The following WDPCP variants were observed in gnomAD, a reference collection of about 807,000 sequenced individuals.
The protein encoded by WDPCP is WD repeat containing planar cell polarity effector, also known as WD repeat-containing and planar cell polarity effector protein fritz homolog.
Under a neutral mutation model 93.1 loss-of-function variants are expected in WDPCP, and 71 were observed. That is an observed-to-expected ratio of 0.76 (90% confidence interval 0.63 to 0.93). The LOEUF (loss-of-function observed/expected upper bound fraction) is 0.93, where lower values mean the gene tolerates loss of function less well. Ranked by LOEUF, WDPCP falls within the 40% of genes least tolerant of loss-of-function variation. The probability of loss-of-function intolerance (pLI) is 0.00; values close to 1 mark genes in which losing one functional copy is unlikely to be tolerated. For synonymous variants in WDPCP, 315 were observed against 315.0 expected (o/e 1.00, Z 0.00); for missense variants, 844 against 887.4 (o/e 0.95, Z 0.62).
At chr2:63,323,793 C>T (rs542351586) in intron 12 of WDPCP, among the ~76,000 whole-genome samples, 2 of 152,296 alleles carry the variant, frequency 1.3e-5, no homozygotes, top group African/African-American at 4.8e-5. Context: ...GTAAGGGCCA[C>T]TAAATCCGAC....
intron 2 of WDPCP, among the ~76,000 whole-genome samples, chr2:63,671,495 A>C (rs1214725057): frequency 6.6e-6 from 1 of 151,890 alleles, no homozygotes; most frequent in Admixed American, 6.6e-5. Context: ...ATGCTCACCC[A>C]GCCTTGTCTG....
chr2:63,127,743 A>G (rs1230253658), intron 17 of WDPCP, among the ~76,000 whole-genome samples: 3 of 150,410 alleles, frequency 2.0e-5, no homozygotes, highest in Admixed American at 1.3e-4. Flanking sequence ...TTCTATATGT[A>G]TTACTCCCCT....
intron 6 of WDPCP, among the ~76,000 whole-genome samples, chr2:63,468,023 G>C (rs1346615773): frequency 6.6e-6 from 1 of 152,142 alleles, no homozygotes; most frequent in Admixed American, 6.6e-5. Flanking sequence ...CTTTCCCTGG[G>C]TGGCTACCAG....
chr2:63,508,612 A>T (rs1702034428), intron 1 of WDPCP, among the ~76,000 whole-genome samples: 3 of 152,176 alleles, frequency 2.0e-5, no homozygotes, highest in Non-Finnish European at 4.4e-5. Context: ...AAACTGGCCA[A>T]ATGCTCCAAT....
intron 2 of WDPCP, among the ~76,000 whole-genome samples, chr2:63,749,799 TTTG>T (rs1669853082): frequency 6.6e-6 from 1 of 152,154 alleles, no homozygotes; most frequent in South Asian, 2.1e-4. Context: ...TCTAGAATTT[TTTG>T]TTGTTTTCTT....
At chr2:63,830,190 T>C (rs964597058), upstream of WDPCP, among the ~76,000 whole-genome samples, 6 of 152,128 alleles carry the variant, frequency 3.9e-5, no homozygotes, top group African/African-American at 1.2e-4. Context: ...TTCTCTGAAA[T>C]TTTCCAGCTT....
chr2:63,336,275 T>A (rs946828234), intron 12 of WDPCP, among the ~76,000 whole-genome samples: 5 of 152,178 alleles, frequency 3.3e-5, no homozygotes, highest in African/African-American at 1.2e-4. Context: ...GTGGACTCTC[T>A]GGAATTTTCA....
At chr2:63,145,840 C>T (rs1671459029) in intron 17 of WDPCP, among the ~76,000 whole-genome samples, 1 of 152,182 alleles carries the variant, frequency 6.6e-6, no homozygotes, top group African/African-American at 2.4e-5. Flanking sequence ...TGTTCATGAG[C>T]ATGGAATGTT....
At chr2:63,197,390 AG>A (rs1372502376) in intron 14 of WDPCP, among the ~76,000 whole-genome samples, 3 of 152,330 alleles carry the variant, frequency 2.0e-5, no homozygotes, top group African/African-American at 7.2e-5. Flanking sequence ...GGCTACTAGT[AG>A]TTAAGCTTTG....
chr2:63,391,859 G>C (rs558192594), intron 10 of WDPCP, among the ~76,000 whole-genome samples: 18 of 152,090 alleles, frequency 1.2e-4, no homozygotes, highest in African/African-American at 2.9e-4. Context: ...AGGAGAACTA[G>C]AAACCACTGC....
chr2:63,165,097 T>G (rs1368143194), intron 15 of WDPCP, among the ~76,000 whole-genome samples: 1 of 152,176 alleles, frequency 6.6e-6, no homozygotes, highest in Admixed American at 6.5e-5. Context: ...GGAATGAATT[T>G]AAAAAGAATC....
At chr2:63,285,966 A>G (rs894946049) in intron 13 of WDPCP, among the ~76,000 whole-genome samples, 1 of 151,364 alleles carries the variant, frequency 6.6e-6, no homozygotes, top group Non-Finnish European at 1.5e-5. Context: ...TGGAACATTA[A>G]ATAATAACAC....
At chr2:63,155,968 A>G (rs921217583) in intron 15 of WDPCP, among the ~76,000 whole-genome samples, 2 of 152,096 alleles carry the variant, frequency 1.3e-5, no homozygotes, top group African/African-American at 4.8e-5. Context: ...CATCTTTACT[A>G]TATTGAGTCC....
chr2:63,514,119 G>A (rs1323947922), intron 1 of WDPCP, among the ~76,000 whole-genome samples: 5 of 152,112 alleles, frequency 3.3e-5, no homozygotes, highest in Admixed American at 3.3e-4. Context: ...AAACATGGAA[G>A]CAAATACCAG....
chr2:63,177,712 T>C (rs573491019), intron 14 of WDPCP, among the ~76,000 whole-genome samples: 1 of 152,110 alleles, frequency 6.6e-6, no homozygotes, highest in African/African-American at 2.4e-5. Flanking sequence ...TGCCTTTTAT[T>C]TCACTTGCAT....
chr2:63,527,178 T>C (rs1337456071), intron 1 of WDPCP, among the ~76,000 whole-genome samples: 1 of 151,938 alleles, frequency 6.6e-6, no homozygotes, highest in Non-Finnish European at 1.5e-5. Flanking sequence ...CAAGCAGTCT[T>C]AGAAAATCAA....
At chr2:63,383,653 C>T (rs148860620) in intron 10 of WDPCP, among the ~76,000 whole-genome samples, 20 of 152,202 alleles carry the variant, frequency 1.3e-4, no homozygotes, top group African/African-American at 4.3e-4. Flanking sequence ...GTGGAGGTTG[C>T]GTTGAACCAA....
intron 12 of WDPCP, 156 bp downstream of exon 12, chr2:63,378,230 A>T: frequency 9.8e-7 from 1 of 1,016,864 alleles, no homozygotes; most frequent in Non-Finnish European, 1.4e-6. Context: ...TGAAAACAAT[A>T]ACAAATTAAA....
At chr2:63,599,279 G>A (rs561442340) in intron 3 of WDPCP, 10 of 1,611,586 alleles carry the variant, frequency 6.2e-6, no homozygotes, top group East Asian at 2.2e-5. Context: ...GATCACAACC[G>A]AGCTAAAGCT....
Sources: allele counts gnomAD v4.1 joint callset (sites outside exome capture counted in the v4.1 genomes callset), GRCh38; gene constraint gnomAD v4.1.1; transcripts MANE v1.5; gene names NCBI Gene and HGNC (gene_info 2026-07-23, HGNC 2026-07-21).